The following DTNB variants were observed in gnomAD, a reference collection of about 807,000 sequenced individuals.
The protein encoded by DTNB is dystrobrevin beta, also known as DTN-B.
A neutral mutation model predicts 90.7 loss-of-function variants in DTNB; 63 were observed. The ratio of observed to expected loss-of-function variants is 0.69; its 90% CI spans 0.57 to 0.86. DTNB has a LOEUF of 0.86. Among genes scored for constraint, DTNB ranks in the 40% least tolerant of loss-of-function variants. DTNB has a pLI of 0.00. For synonymous variants in DTNB, 277 were observed against 286.7 expected (o/e 0.97, Z 0.34); for missense variants, 744 against 807.1 (o/e 0.92, Z 0.95).
At chr2:25,658,211 C>T (rs563780274) in intron 1 of DTNB, among the ~76,000 whole-genome samples, 3 of 150,296 alleles carry the variant, frequency 2.0e-5, no homozygotes, top group East Asian at 1.9e-4. Context: ...GTGCTGAAAT[C>T]GCACCATTGC....
intron 9 of DTNB, among the ~76,000 whole-genome samples, chr2:25,503,833 C>T (rs908841910): frequency 9.9e-5 from 15 of 151,646 alleles, no homozygotes; most frequent in African/African-American, 2.9e-4. Context: ...AGGAGAATGA[C>T]GTGAACCCTG....
chr2:25,457,948 C>T (rs2060297624), intron 10 of DTNB, among the ~76,000 whole-genome samples: 2 of 152,124 alleles, frequency 1.3e-5, no homozygotes, highest in African/African-American at 2.4e-5. Context: ...ATCCTCCTGC[C>T]TCAGCCTCCC....
intron 8 of DTNB, among the ~76,000 whole-genome samples, chr2:25,550,215 C>T (rs938335223): frequency 4.6e-5 from 7 of 152,118 alleles, no homozygotes; most frequent in South Asian, 4.2e-4. Context: ...CACGGTGAAA[C>T]CCCGTGTCTA....
intron 4 of DTNB, among the ~76,000 whole-genome samples, chr2:25,609,595 C>A (rs13028115): frequency 6.1e-4 from 67 of 109,162 alleles, no homozygotes; most frequent in Middle Eastern, 4.6e-3. Context: ...GAAACTCTTT[C>A]AAAAAAAAAA....
chr2:25,390,501 TG>T (rs2040804608), intron 16 of DTNB, among the ~76,000 whole-genome samples: 1 of 151,874 alleles, frequency 6.6e-6, no homozygotes, highest in African/African-American at 2.4e-5. Flanking sequence ...TGGAGTGAAG[TG>T]GTGCGATTTT....
intron 1 of DTNB, among the ~76,000 whole-genome samples, chr2:25,659,414 T>C (rs1020103289): frequency 6.6e-5 from 10 of 151,106 alleles, no homozygotes; most frequent in African/African-American, 2.2e-4. Context: ...CCATAATGCA[T>C]TGAAACTAGA....
At chr2:25,608,421 T>C (rs2067635080) in intron 4 of DTNB, among the ~76,000 whole-genome samples, 1 of 152,216 alleles carries the variant, frequency 6.6e-6, no homozygotes, top group African/African-American at 2.4e-5. Context: ...CTTTTAACTA[T>C]AACATCTCCT....
intron 1 of DTNB, among the ~76,000 whole-genome samples, chr2:25,667,142 A>T (rs71439188): frequency 1.4e-4 from 20 of 141,452 alleles, no homozygotes; most frequent in African/African-American, 2.6e-4. Context: ...AAACAAAATT[A>T]AAAAAAAAAA....
At chr2:25,630,636 G>C (rs544920946) in intron 3 of DTNB, among the ~76,000 whole-genome samples, 19 of 152,176 alleles carry the variant, frequency 1.2e-4, no homozygotes, top group African/African-American at 4.3e-4. Flanking sequence ...CTTGAGGTTG[G>C]GAGTTCGAGA....
At chr2:25,657,654 A>G (rs1269671032) in intron 1 of DTNB, among the ~76,000 whole-genome samples, 2 of 151,934 alleles carry the variant, frequency 1.3e-5, no homozygotes, top group Non-Finnish European at 2.9e-5. Context: ...CCAGGAGTTC[A>G]TGGCTGCAGT....
intron 15 of DTNB, chr2:25,426,639 G>A (rs1417328273): frequency 6.6e-6 from 1 of 152,188 alleles, no homozygotes; most frequent in Non-Finnish European, 1.5e-5. Flanking sequence ...GAGACAGACT[G>A]AATTACACCA....
chr2:25,634,007 TCCGC>T (rs1466262838), intron 3 of DTNB, among the ~76,000 whole-genome samples: 3 of 150,588 alleles, frequency 2.0e-5, no homozygotes, highest in African/African-American at 7.4e-5. Flanking sequence ...GAGGAGCCCC[TCCGC>T]CCGGCAGCCA....
intron 12 of DTNB, 111 bp downstream of exon 12, chr2:25,451,437 T>C: frequency 8.8e-7 from 1 of 1,140,460 alleles, no homozygotes; most frequent in Non-Finnish European, 1.2e-6. Flanking sequence ...AAGTGGAAAG[T>C]GTCCCCGAGG....
At chr2:25,379,352 C>T in intron 19 of DTNB, 29 bp from the exon 20 acceptor site, 1 of 1,311,784 alleles carries the variant, frequency 7.6e-7, no homozygotes, top group Non-Finnish European at 9.8e-7. Context: ...AAACAACACA[C>T]TGAGGTCACG....
intron 2 of DTNB, among the ~76,000 whole-genome samples, chr2:25,642,401 T>C (rs2078524455): frequency 6.7e-6 from 1 of 148,754 alleles, no homozygotes; most frequent in Non-Finnish European, 1.5e-5. Context: ...AAATCTCCAG[T>C]GAGAAACCCT....
chr2:25,609,305 G>C (rs538432497), intron 4 of DTNB, among the ~76,000 whole-genome samples: 1 of 152,266 alleles, frequency 6.6e-6, no homozygotes, highest in East Asian at 1.9e-4. Flanking sequence ...GTGGGATTAA[G>C]AATGCCTGAT....
intron 1 of DTNB, among the ~76,000 whole-genome samples, chr2:25,656,192 A>G (rs988597750): frequency 2.0e-5 from 3 of 152,198 alleles, no homozygotes; most frequent in African/African-American, 7.2e-5. Context: ...ATTTCAAGCA[A>G]TCTTATAATT....
chr2:25,443,108 T>A (rs1449980669), intron 12 of DTNB, among the ~76,000 whole-genome samples: 1 of 152,058 alleles, frequency 6.6e-6, no homozygotes, highest in Non-Finnish European at 1.5e-5. Context: ...GACCTAACAA[T>A]GAATGCAACT....
In DTNB at chr2:25,401,416, C is replaced by T. The variant is rs759605952; in HGVS notation, c.1576-13055G>A. Among the ~76,000 whole-genome samples, 12 of 152,240 alleles carry T rather than the reference C, an allele frequency of 7.9e-5. No individual in the cohort carries two copies. In the South Asian group the frequency reaches 1.9e-3, roughly 24 times the overall value. Reference sequence around the variant, plus strand: ...GTGCCCTGAGGACACGGGGATCCTTCACCAGCTCTGCATCTGAGCACAGAG... The same window carrying T: ...GTGCCCTGAGGACACGGGGATCCTTTACCAGCTCTGCATCTGAGCACAGAG... On this transcript the variant is annotated intron_variant, in intron 16 of 20. Transcript: ENST00000406818.
Sources: allele counts gnomAD v4.1 joint callset (sites outside exome capture counted in the v4.1 genomes callset), GRCh38; gene constraint gnomAD v4.1.1; transcripts MANE v1.5; gene names NCBI Gene and HGNC (gene_info 2026-07-23, HGNC 2026-07-21).